The following PRCP variants were observed in gnomAD, a reference collection of about 807,000 sequenced individuals.
PRCP encodes the protein prolylcarboxypeptidase.
Under a neutral mutation model 54.2 loss-of-function variants are expected in PRCP, and 46 were observed. The ratio of observed to expected loss-of-function variants is 0.85; its 90% CI spans 0.67 to 1.09. The LOEUF is 1.09. Among genes scored for constraint, PRCP ranks in the 50% least tolerant of loss-of-function variants. PRCP has a pLI of 0.00. For synonymous variants in PRCP, 240 were observed against 212.2 expected (o/e 1.13, Z -1.14); for missense variants, 613 against 596.8 (o/e 1.03, Z -0.28).
At chr11:82,853,864 A>G (rs1859017183) in intron 2 of PRCP, among the ~76,000 whole-genome samples, 1 of 152,182 alleles carries the variant, frequency 6.6e-6, no homozygotes, top group Non-Finnish European at 1.5e-5. Flanking sequence ...ACAAATCAAT[A>G]AACAGAATTC....
intron 6 of PRCP, among the ~76,000 whole-genome samples, chr11:82,842,505 A>C (rs1253154019): frequency 6.6e-6 from 1 of 152,182 alleles, no homozygotes; most frequent in Non-Finnish European, 1.5e-5. Flanking sequence ...CGGGATGGGG[A>C]GCTGAAAAAC....
chr11:82,890,941 T>C (rs1419468104), intron 1 of PRCP, among the ~76,000 whole-genome samples: 1 of 152,234 alleles, frequency 6.6e-6, no homozygotes, highest in African/African-American at 2.4e-5. Flanking sequence ...CTTCTAAATA[T>C]GCAGTGTTGA....
intron 1 of PRCP, chr11:82,899,987 T>C (rs1341055777): frequency 2.0e-6 from 1 of 501,158 alleles, no homozygotes; most frequent in South Asian, 2.2e-5. Flanking sequence ...GACTGTCGTG[T>C]CCAATTACAG....
intron 1 of PRCP, among the ~76,000 whole-genome samples, chr11:82,866,363 G>A (rs534924667): frequency 1.3e-5 from 2 of 152,270 alleles, no homozygotes; most frequent in South Asian, 4.1e-4. Flanking sequence ...TTAACAAAAA[G>A]GGTGGAAGTC....
In PRCP at chr11:82,873,079, TAAAA is replaced by T. The variant is rs397960059; in HGVS notation, c.169-12966_169-12963del. Among the ~76,000 whole-genome samples, 1,050 of 147,640 alleles carry T rather than the reference TAAAA, an allele frequency of 7.1e-3. 15 individuals carry two copies. Among genetic ancestry groups the T allele is most frequent in the African/African-American group, 0.024 (948 of 40,290 alleles). Reference sequence around the variant, plus strand: ...TTATTCTGATCTGTTTTTTTTTTTTTAAAAAAAAAGAAAGTAAGAAGAATAAGTA... The same window carrying T: ...TTATTCTGATCTGTTTTTTTTTTTTTAAAAAGAAAGTAAGAAGAATAAGTA... On this transcript the variant is annotated intron_variant, in intron 1 of 8. Coordinates refer to ENST00000313010, the MANE Select transcript of PRCP (RefSeq NM_005040.4).
rs540209572 is a variant in PRCP at position 82,888,189 on chromosome 11, C to A, written c.168+12046G>T. 5.9e-5 allele frequency among the ~76,000 whole-genome samples: 9 copies of A among 152,300 alleles called. No individual in the cohort carries two copies. In the East Asian group the frequency reaches 1.7e-3, roughly 29 times the overall value. On this transcript the variant is annotated intron_variant, in intron 1 of 8. Coordinates refer to ENST00000313010, the MANE Select transcript of PRCP (RefSeq NM_005040.4). ...CACCTTTCTGCCCATACATACCGTA[C>A]AACCAAATTGCAGGGCTGCTCAGAG...
In PRCP at chr11:82,849,997, G is replaced by C. The variant is rs188670714; in HGVS notation, c.668C>G (p.Thr223Ser). Residue 223 changes from threonine (T) to serine (S), a missense_variant, in exon 5 of 9, where the codon ACT (threonine) becomes AGT (serine). Coordinates refer to ENST00000313010, the MANE Select transcript of PRCP (RefSeq NM_005040.4). ...VPCGVFMKIV[T>S]TDFRKSGPHC... The stretch of plus-strand genomic sequence containing the variant: ...TGGACCGCTTTTCCTAAAATCTGTA[G>C]TTACGATCTTCATAAATACACCACA... The C allele has an allele frequency of 7.1e-6, 11 of 1,559,458 alleles. No homozygotes were observed. The African/African-American group carries it at 1.2e-4, about 18-fold the overall frequency.
At chr11:82,884,337 C>G (rs1416889771) in intron 1 of PRCP, among the ~76,000 whole-genome samples, 1 of 152,128 alleles carries the variant, frequency 6.6e-6, no homozygotes, top group Non-Finnish European at 1.5e-5. Context: ...GTAGGAGGAT[C>G]ACTTGAGCCC....
intron 8 of PRCP, chr11:82,830,627 CAAAAAAAAA>C (rs35851740): frequency 3.2e-4 from 6 of 18,648 alleles, no homozygotes; most frequent in African/African-American, 1.0e-3. Flanking sequence ...GACTCCATCT[CAAAAAAAAA>C]AAAAAAAAAA....
intron 8 of PRCP, among the ~76,000 whole-genome samples, chr11:82,837,843 C>T (rs921367162): frequency 3.9e-5 from 6 of 152,312 alleles, no homozygotes; most frequent in Non-Finnish European, 7.4e-5. Flanking sequence ...TGATAGAAAG[C>T]TGGCTTTATC....
intron 8 of PRCP, chr11:82,829,794 T>C (rs1858332133): frequency 6.6e-6 from 1 of 152,244 alleles, no homozygotes; most frequent in Non-Finnish European, 1.5e-5. Context: ...TCTAGTTGTC[T>C]GTGGCCTCAT....
At position 82,860,104 on chromosome 11, in the gene PRCP, C is replaced by A; in HGVS notation, c.182G>T (p.Gly61Val). 6.6e-7 allele frequency: 1 copy of A among 1,522,708 alleles called. No homozygotes were observed. The highest frequency in any genetic ancestry group is 8.8e-7 in the Non-Finnish European group (1 of 1,131,160). 94.3% of individuals were successfully genotyped at this position (1,522,708 alleles called of 1,614,324 possible). A position where few individuals can be genotyped will look rare whatever the true frequency, so the allele number is the denominator to read the frequency against. Residue 61 changes from glycine to valine, a missense_variant, in exon 2 of 9, where the codon GGA becomes GTA. Physicochemically the swap from Gly to Val is moderately radical, Grantham distance 109 (BLOSUM62 -3). Transcript: ENST00000313010. ...ATTAAAAGTTTTCACAGTATTAAAT[C>A]CAAAATGATCAACCTGTGATAAAAA... ...LYFQQKVDHF[G>V]FNTVKTFNQR...
At chr11:82,827,370 C>G (rs1858261933) in intron 8 of PRCP, 1 of 152,096 alleles carries the variant, frequency 6.6e-6, no homozygotes, top group South Asian at 2.1e-4. Context: ...CTATGTTTTC[C>G]TCTATGAGAT....
At position 82,839,372 on chromosome 11, in the gene PRCP, C is replaced by A. The variant is rs756505412; in HGVS notation, c.975G>T (p.Gln325His). ...NPNVSDSLLL[Q>H]NIFQALNVYY... ...ATACATTCAGAGCTTGGAAAATATTCTGCAGCAGCAGTGAATCAGATACAT... is the reference window on the plus strand; with the variant it reads ...ATACATTCAGAGCTTGGAAAATATTATGCAGCAGCAGTGAATCAGATACAT... Residue 325 changes from glutamine to histidine, a missense_variant, in exon 7 of 9, where the codon CAG (glutamine) becomes CAT (histidine). By Grantham distance (24) the Gln-to-His change is conservative (BLOSUM62 0). Coordinates refer to ENST00000313010, the MANE Select transcript of PRCP (RefSeq NM_005040.4). The A allele has an allele frequency of 6.2e-7, 1 of 1,613,768 alleles. No individual in the cohort carries two copies. Among genetic ancestry groups the A allele is most frequent in the Non-Finnish European group, 8.5e-7 (1 of 1,179,764 alleles).
intron 1 of PRCP, 25 bp from the exon 2 acceptor site, chr11:82,860,142 T>C: frequency 7.1e-7 from 1 of 1,415,724 alleles, no homozygotes; most frequent in Non-Finnish European, 9.4e-7. Context: ...AAACAAAACA[T>C]ATTTCAAAGG....
At chr11:82,867,257 G>A (rs1420754560) in intron 1 of PRCP, among the ~76,000 whole-genome samples, 2 of 152,160 alleles carry the variant, frequency 1.3e-5, no homozygotes, top group Non-Finnish European at 2.9e-5. Context: ...AATGGGGAGA[G>A]AAAACACCCT....
At chr11:82,869,072 T>C (rs142647401) in intron 1 of PRCP, among the ~76,000 whole-genome samples, 1,815 of 151,450 alleles carry the variant, frequency 0.012, 18 homozygotes, top group South Asian at 0.021. Context: ...AAGAAAAACC[T>C]AGGCCAGGTG....
chr11:82,830,592 C>A (rs1451878232), intron 8 of PRCP: 1 of 114,104 alleles, frequency 8.8e-6, no homozygotes, highest in Non-Finnish European at 1.6e-5. Context: ...CATGCCACTG[C>A]AATCCAGCCT....
rs180869718 is a variant in PRCP, at chr11:82,866,030, A to G, written c.169-5913T>C. Among the ~76,000 whole-genome samples, 461 of 152,306 alleles carry G rather than the reference A, an allele frequency of 3.0e-3. 9 individuals are homozygous for G. Among genetic ancestry groups the G allele is most frequent in the Non-Finnish European group, 7.9e-4 (54 of 68,020 alleles). ...CCCTAGAGGTAGGACAAGATCAGAG[A>G]GCAAGCCACATCTTATGAGTCAGAT... On this transcript the variant is annotated intron_variant, in intron 1 of 8. Transcript: ENST00000313010.
Sources: allele counts gnomAD v4.1 joint callset (sites outside exome capture counted in the v4.1 genomes callset), GRCh38; gene constraint gnomAD v4.1.1; transcripts MANE v1.5; gene names NCBI Gene and HGNC (gene_info 2026-07-23, HGNC 2026-07-21).